FMNL2: variants seen among roughly 807,000 people sequenced by gnomAD.
FMNL2 encodes formin like 2.
Under a neutral mutation model 130.2 loss-of-function variants are expected in FMNL2, and 51 were observed. That is an observed-to-expected ratio of 0.39 (90% CI 0.31 to 0.49). The LOEUF is 0.49. Ranked by LOEUF, FMNL2 falls within the 20% of genes least tolerant of loss-of-function variation. The pLI, the probability that FMNL2 is intolerant of heterozygous loss-of-function variation, is 0.85. For missense variants in FMNL2, 977 were observed against 1,316.2 expected (o/e 0.74, Z 3.99); for synonymous variants, 465 against 467.1 (o/e 1.00, Z 0.06).
intron 4 of FMNL2, among the ~76,000 whole-genome samples, chr2:152,550,066 A>G (rs1332854627): frequency 6.6e-6 from 1 of 152,278 alleles, no homozygotes; most frequent in African/African-American, 2.4e-5. Flanking sequence ...CTTGAAAACC[A>G]TGAGTTTAAG....
chr2:152,484,016 G>A (rs1193753207), intron 1 of FMNL2, among the ~76,000 whole-genome samples: 1 of 152,178 alleles, frequency 6.6e-6, no homozygotes, highest in African/African-American at 2.4e-5. Context: ...TGCTGAGATG[G>A]GACCAGCTAA....
intron 1 of FMNL2, among the ~76,000 whole-genome samples, chr2:152,404,445 A>T (rs955984173): frequency 2.0e-5 from 3 of 152,128 alleles, no homozygotes; most frequent in East Asian, 3.9e-4. Context: ...ATCTTTGGGG[A>T]TAATGTCATT....
chr2:152,352,781 T>G (rs1393248863), intron 1 of FMNL2, among the ~76,000 whole-genome samples: 1 of 152,074 alleles, frequency 6.6e-6, no homozygotes, highest in African/African-American at 2.4e-5. Context: ...CAGACAACTG[T>G]CTCTGAACCT....
At chr2:152,389,679 G>GGGCGGAGAGCA (rs1204759625) in intron 1 of FMNL2, among the ~76,000 whole-genome samples, 1 of 152,250 alleles carries the variant, frequency 6.6e-6, no homozygotes, top group Non-Finnish European at 1.5e-5. Flanking sequence ...CCGGCGCGAT[G>GGGCGGAGAGCA]GGCGGAGAGC....
chr2:152,533,815 G>A (rs1188445713), intron 2 of FMNL2, among the ~76,000 whole-genome samples: 1 of 151,996 alleles, frequency 6.6e-6, no homozygotes, highest in Non-Finnish European at 1.5e-5. Context: ...TAGTATACAG[G>A]TCTTACACAT....
In FMNL2 at chr2:152,628,446, G is replaced by C; in HGVS notation, c.2313G>C (p.Gln771His). 1 of 1,614,030 alleles carries C rather than the reference G, an allele frequency of 6.2e-7. No homozygotes were observed. The highest frequency in any genetic ancestry group is 8.5e-7 in the Non-Finnish European group (1 of 1,179,898). ...CAGATGAAGATCGGTTCATGATGCAGTTTAGTAAAATCGAGAGGCTCATGC... is the reference window on the plus strand; with the variant it reads ...CAGATGAAGATCGGTTCATGATGCACTTTAGTAAAATCGAGAGGCTCATGC... ...NLSDEDRFMM[Q>H]FSKIERLMQK... is the part of the protein sequence containing the mutation. Residue 771 changes from glutamine (Q) to histidine (H), a missense_variant, in exon 18 of 26, where the codon CAG becomes CAC. Physicochemically the swap from Gln to His is conservative, Grantham distance 24. Coordinates refer to ENST00000288670, the MANE Select transcript of FMNL2 (RefSeq NM_052905.4).
At chr2:152,345,463 C>T (rs1682062914) in intron 1 of FMNL2, among the ~76,000 whole-genome samples, 1 of 152,012 alleles carries the variant, frequency 6.6e-6, no homozygotes, top group Admixed American at 6.6e-5. Context: ...TCAGTTTTGC[C>T]CAGTGAGTTC....
intron 2 of FMNL2, among the ~76,000 whole-genome samples, chr2:152,542,385 C>T (rs775365122): frequency 1.3e-5 from 2 of 152,134 alleles, no homozygotes; most frequent in African/African-American, 2.4e-5. Context: ...TGAAGGAGGA[C>T]CTGAAACAGG....
At chr2:152,584,856 A>G (rs2105742851) in intron 9 of FMNL2, among the ~76,000 whole-genome samples, 1 of 152,296 alleles carries the variant, frequency 6.6e-6, no homozygotes, top group East Asian at 1.9e-4. Flanking sequence ...AAATCTTGTA[A>G]TAGCTGAAGT....
intron 2 of FMNL2, among the ~76,000 whole-genome samples, chr2:152,540,413 G>A (rs1256058052): frequency 6.6e-6 from 1 of 152,104 alleles, no homozygotes; most frequent in Non-Finnish European, 1.5e-5. Context: ...TTGCTCTCGA[G>A]ATAGAACATT....
intron 9 of FMNL2, among the ~76,000 whole-genome samples, chr2:152,596,198 A>G (rs1697764697): frequency 6.6e-6 from 1 of 151,862 alleles, no homozygotes; most frequent in Non-Finnish European, 1.5e-5. Context: ...CCTGACCTCA[A>G]GTGATCCGCC....
Position 152,647,961 on chromosome 2 carries a change from A to C in FMNL2, c.*56A>C. ...GTGCGTGAATGAAACTGCCCACATGAACTTTATGTGCTACGATTTAACTGC... is the reference window on the plus strand; with the variant it reads ...GTGCGTGAATGAAACTGCCCACATGCACTTTATGTGCTACGATTTAACTGC... On this transcript the variant is annotated 3_prime_UTR_variant, in exon 26 of 26. Coordinates refer to ENST00000288670, the MANE Select transcript of FMNL2 (RefSeq NM_052905.4). 7.2e-7 allele frequency: 1 copy of C among 1,380,828 alleles called. No homozygotes were observed. Among genetic ancestry groups the C allele is most frequent in the Non-Finnish European group, 1.0e-6 (1 of 999,118 alleles). The allele number at this position is 1,380,828 out of a possible 1,614,324, so 85.5% of individuals were successfully genotyped here.
chr2:152,564,909 A>G (rs1695744909), intron 6 of FMNL2, among the ~76,000 whole-genome samples: 1 of 150,766 alleles, frequency 6.6e-6, no homozygotes. Context: ...CCCTTGAGTC[A>G]TATCAGCTAT....
intron 1 of FMNL2, among the ~76,000 whole-genome samples, chr2:152,516,019 C>T (rs1395949001): frequency 4.6e-5 from 7 of 152,076 alleles, no homozygotes; most frequent in Non-Finnish European, 8.8e-5. Flanking sequence ...GCCCAACTAG[C>T]AAAAACTAAT....
At chr2:152,458,105 G>C (rs547511868) in intron 1 of FMNL2, among the ~76,000 whole-genome samples, 2 of 152,190 alleles carry the variant, frequency 1.3e-5, no homozygotes, top group Non-Finnish European at 2.9e-5. Flanking sequence ...CTGGGGATTG[G>C]GATGGGTATA....
At position 152,575,210 on chromosome 2, in the gene FMNL2, G is replaced by C. The variant is rs1696408288; in HGVS notation, c.671G>C (p.Cys224Ser). The C allele has an allele frequency of 6.2e-7, 1 of 1,604,974 alleles. No homozygotes were observed. Among genetic ancestry groups the C allele is most frequent in the Non-Finnish European group, 8.5e-7 (1 of 1,175,230 alleles). ...LVSKKDDVHV[C>S]IMCLRAIMNY... ...AGTAAGAAAGATGATGTGCATGTCT[G>C]TATCATGTGTTTACGTGCCATCATG... Residue 224 changes from cysteine to serine, a missense_variant, in exon 7 of 26, where the codon TGT becomes TCT. Physicochemically the swap from Cys to Ser is moderately radical, Grantham distance 112 (BLOSUM62 -1). Transcript: ENST00000288670.
intron 6 of FMNL2, among the ~76,000 whole-genome samples, chr2:152,563,953 T>C (rs1695669158): frequency 6.6e-6 from 1 of 152,156 alleles, no homozygotes; most frequent in Non-Finnish European, 1.5e-5. Context: ...GAAAACGACA[T>C]CCAAGCGAGT....
At chr2:152,475,104 C>CA (rs1690077367) in intron 1 of FMNL2, among the ~76,000 whole-genome samples, 1 of 151,922 alleles carries the variant, frequency 6.6e-6, no homozygotes, top group Non-Finnish European at 1.5e-5. Flanking sequence ...AAGAATTATG[C>CA]AAAAAATAAG....
At chr2:152,478,640 T>G in intron 1 of FMNL2, among the ~76,000 whole-genome samples, 1 of 152,122 alleles carries the variant, frequency 6.6e-6, no homozygotes, top group South Asian at 2.1e-4. Flanking sequence ...GTGTTTTTAT[T>G]TTAGTAGGAA....
Sources: gnomAD v4.1 joint callset for allele counts (sites outside exome capture counted in the v4.1 genomes callset) on GRCh38, gnomAD v4.1.1 for gene constraint, MANE v1.5 for transcripts, NCBI Gene and HGNC (gene_info 2026-07-23, HGNC 2026-07-21) for gene names.